UQCRC1: variants seen among roughly 807,000 people sequenced by gnomAD.
UQCRC1 encodes cytochrome b-c1 complex subunit 1, mitochondrial.
A neutral mutation model predicts 58.0 loss-of-function variants in UQCRC1; 34 were observed. The observed-to-expected ratio is 0.59, with a 90% CI of 0.45 to 0.78. The LOEUF (loss-of-function observed/expected upper bound fraction) is 0.78, where lower values mean the gene tolerates loss of function less well. Ranked by LOEUF, UQCRC1 falls within the 30% of genes least tolerant of loss-of-function variation. The pLI, the probability that UQCRC1 is intolerant of heterozygous loss-of-function variation, is 0.00. For missense variants in UQCRC1, 610 were observed against 646.0 expected, an observed-to-expected ratio of 0.94 and a Z score of 0.60; for synonymous variants, 276 against 248.8, an observed-to-expected ratio of 1.11 and a Z score of -1.03.
chr3:48,609,299 C>T lies in UQCRC1; in HGVS notation c.73G>A (p.Ala25Thr), dbSNP rs1173123747. 2 of 1,607,724 alleles carry T rather than the reference C, an allele frequency of 1.2e-6. No individual in the cohort carries two copies. Among genetic ancestry groups the T allele is most frequent in the South Asian group, 2.2e-5 (2 of 90,768 alleles). ...CGCAAGGCTGGCGTCCGCAGCAGGGCCGGCTGTGGAAGGGAACAGCCGCGA... is the reference window on the plus strand; with the variant it reads ...CGCAAGGCTGGCGTCCGCAGCAGGGTCGGCTGTGGAAGGGAACAGCCGCGA... Reference protein sequence around the residue: ...QVLLRARRSPALLRTPALRST... With the variant: ...QVLLRARRSPTLLRTPALRST... Residue 25 changes from alanine to threonine, a missense_variant, in exon 2 of 13, where the codon GCC (alanine) becomes ACC (threonine). Transcript: ENST00000203407.
chr3:48,600,269 T>A (rs2046352007), intron 10 of UQCRC1, 118 bp from the exon 11 acceptor site: 2 of 1,195,238 alleles, frequency 1.7e-6, no homozygotes, highest in African/African-American at 3.0e-5. Context: ...CTGACTCAGA[T>A]CACAGCCCTC....
At position 48,605,807 on chromosome 3, in the gene UQCRC1, T is replaced by C; in HGVS notation, c.260A>G (p.Asn87Ser). 3.7e-6 allele frequency: 6 copies of C among 1,613,954 alleles called. No homozygotes were observed. The highest frequency in any genetic ancestry group is 5.1e-6 in the Non-Finnish European group (6 of 1,179,942). Residue 87 changes from asparagine (N) to serine (S), a missense_variant, in exon 3 of 13, where the codon AAT (asparagine) becomes AGT (serine). Coordinates refer to ENST00000203407, the MANE Select transcript of UQCRC1 (RefSeq NM_003365.3). ...VGSRFETEKN[N>S]GAGYFLEHLA... ...ATGCTCCAAAAAGTAGCCTGCCCCATTATTCTTCTCAGTCTCAAAACGGCT... is the reference window on the plus strand; with the variant it reads ...ATGCTCCAAAAAGTAGCCTGCCCCACTATTCTTCTCAGTCTCAAAACGGCT...
intron 3 of UQCRC1, among the ~76,000 whole-genome samples, chr3:48,604,985 A>C (rs146632174): frequency 6.6e-6 from 1 of 152,280 alleles, no homozygotes; most frequent in Non-Finnish European, 1.5e-5. Flanking sequence ...CGCCAACAGA[A>C]CAGAGATAGC....
chr3:48,604,628 C>T (rs2046395565), intron 4 of UQCRC1, 23 bp downstream of exon 4: 1 of 1,613,884 alleles, frequency 6.2e-7, no homozygotes, highest in Admixed American at 1.7e-5. Context: ...CCCTCTGTCC[C>T]CGCCTCTTCC....
intron 4 of UQCRC1, 84 bp downstream of exon 4, chr3:48,604,567 T>C (rs2046395136): frequency 6.2e-7 from 1 of 1,601,022 alleles, no homozygotes; most frequent in Admixed American, 1.7e-5. Context: ...AAGGGTAATA[T>C]GATTCTGTGG....
In UQCRC1 at chr3:48,599,014, G is replaced by C; in HGVS notation, c.*114C>G. 2 of 1,249,726 alleles carry C rather than the reference G, an allele frequency of 1.6e-6. No individual in the cohort carries two copies. The highest frequency in any genetic ancestry group is 2.6e-5 in the South Asian group (2 of 76,980). The allele number at this position is 1,249,726 out of a possible 1,614,324, so 77.4% of individuals were successfully genotyped here. ...AGGGATGACACACTTCTCAGCAGAG[G>C]ATTTTATTGGTGGTCACCTGTGGCA... On this transcript the variant is annotated 3_prime_UTR_variant, in exon 13 of 13. Transcript: ENST00000203407.
chr3:48,601,671 C>T (rs545314106), intron 6 of UQCRC1, among the ~76,000 whole-genome samples: 20 of 152,354 alleles, frequency 1.3e-4, no homozygotes, highest in Admixed American at 9.1e-4. Context: ...GGCCAAATAG[C>T]TCCCATGGCC....
In UQCRC1 at chr3:48,605,576, G is replaced by A. The variant is rs894738216; in HGVS notation, c.297+194C>T. On this transcript the variant is annotated intron_variant, in intron 3 of 12. Transcript: ENST00000203407. ...TTCCTTGGGTCCTCTTGGCTCTGAG[G>A]GCCTCAGGCAGGGGCTCATCAGATA... 3.3e-5 allele frequency among the ~76,000 whole-genome samples: 5 copies of A among 152,154 alleles called. 1 individual carries two copies. Among genetic ancestry groups the A allele is most frequent in the African/African-American group, 1.2e-4 (5 of 41,410 alleles).
rs537186787 is a variant in UQCRC1 at position 48,599,568 on chromosome 3, G to A, written c.1378+67C>T. On this transcript the variant is annotated intron_variant, in intron 12 of 12. Coordinates refer to ENST00000203407, the MANE Select transcript of UQCRC1 (RefSeq NM_003365.3). ...GCTGAGCAGCAGTGCGGGAGCAGAGGTGGAAGGGGAGGCCAAGAGAACGGC... is the reference window on the plus strand; with the variant it reads ...GCTGAGCAGCAGTGCGGGAGCAGAGATGGAAGGGGAGGCCAAGAGAACGGC... The A allele has an allele frequency of 1.1e-4, 170 of 1,559,252 alleles. No individual in the cohort carries two copies. The South Asian group carries it at 1.6e-3, about 14-fold the overall frequency.
Position 48,600,802 on chromosome 3 carries a change from G to C in UQCRC1, c.1005C>G (p.Asn335Lys). The change falls in exon 9 of 13, where the codon AAC (asparagine) becomes AAG (lysine). Residue 335 changes from asparagine (N) to lysine (K), a missense_variant. By Grantham distance (94) the Asn-to-Lys change is moderately conservative. Transcript: ENST00000203407. ...AGGTCTGGAAACTCTGGCATAGCTT[G>C]TTGGCCACAGCACCTGAAGCCAGTG... ...SSPLASGAVA[N>K]KLCQSFQTFS... 1 of 1,614,114 alleles carries C rather than the reference G, an allele frequency of 6.2e-7. No homozygotes were observed. Among genetic ancestry groups the C allele is most frequent in the Non-Finnish European group, 8.5e-7 (1 of 1,180,042 alleles).
chr3:48,603,039 G>A (rs368161831), intron 6 of UQCRC1, among the ~76,000 whole-genome samples: 3 of 151,970 alleles, frequency 2.0e-5, no homozygotes, highest in Non-Finnish European at 4.4e-5. Context: ...CTTCCCCTGC[G>A]CTCAGCTCCC....
At position 48,603,599 on chromosome 3, in the gene UQCRC1, T is replaced by A. The variant is rs2046384922; in HGVS notation, c.671A>T (p.Tyr224Phe). 2 of 1,614,024 alleles carry A rather than the reference T, an allele frequency of 1.2e-6. No individual in the cohort carries two copies. Among genetic ancestry groups the A allele is most frequent in the Non-Finnish European group, 1.7e-6 (2 of 1,179,974 alleles). Residue 224 changes from tyrosine (Y) to phenylalanine (F), a missense_variant, in exon 6 of 13, where the codon TAC (tyrosine) becomes TTC (phenylalanine). Tyr to Phe is a conservative substitution (Grantham distance 22, BLOSUM62 3). Coordinates refer to ENST00000203407, the MANE Select transcript of UQCRC1 (RefSeq NM_003365.3). ...TGCCAGCACCATTCGAGGGGCCTTGTAATGTGTGCTGAGGTACTCGGTCAA... is the reference window on the plus strand; with the variant it reads ...TGCCAGCACCATTCGAGGGGCCTTGAAATGTGTGCTGAGGTACTCGGTCAA... ...ADLTEYLSTH[Y>F]KAPRMVLAAA...
intron 12 of UQCRC1, 190 bp downstream of exon 12, chr3:48,599,445 A>T: frequency 1.4e-6 from 1 of 704,210 alleles, no homozygotes; most frequent in Non-Finnish European, 2.3e-6. Flanking sequence ...CTTGGCAGGC[A>T]GTCAAGGAAC....
rs756541768 is a variant in UQCRC1, at chr3:48,600,813, C to T, written c.994G>A (p.Ala332Thr). Reference sequence around the variant, plus strand: ...CTCTGGCATAGCTTGTTGGCCACAGCACCTGAAGCCAGTGGGCTGGACAGG... The same window carrying T: ...CTCTGGCATAGCTTGTTGGCCACAGTACCTGAAGCCAGTGGGCTGGACAGG... ...VHLSSPLASGAVANKLCQSFQ... is the reference protein window; with the variant it reads ...VHLSSPLASGTVANKLCQSFQ... The change falls in exon 9 of 13, where the codon GCT becomes ACT. Residue 332 changes from alanine to threonine, a missense_variant. By Grantham distance (58) the Ala-to-Thr change is moderately conservative. Transcript: ENST00000203407. The T allele has an allele frequency of 4.8e-5, 78 of 1,613,954 alleles. No individual in the cohort carries two copies. The highest frequency in any genetic ancestry group is 5.9e-5 in the Non-Finnish European group (70 of 1,180,048).
intron 3 of UQCRC1, 89 bp downstream of exon 3, chr3:48,605,681 C>A: frequency 7.5e-7 from 1 of 1,332,584 alleles, no homozygotes; most frequent in Non-Finnish European, 1.0e-6. Flanking sequence ...AACTGAGGCC[C>A]ATAATCAGGC....
intron 3 of UQCRC1, 108 bp downstream of exon 3, chr3:48,605,662 C>A (rs369877693): frequency 1.0e-5 from 11 of 1,100,682 alleles, no homozygotes; most frequent in Non-Finnish European, 1.4e-5. Flanking sequence ...AGCCAGACAT[C>A]AGCCCCGCAA....
chr3:48,604,542 GC>G, intron 4 of UQCRC1, 108 bp downstream of exon 4: 8 of 1,586,192 alleles, frequency 5.0e-6, no homozygotes, highest in Non-Finnish European at 6.9e-6. Context: ...TTGCCCAGCT[GC>G]AAAGCCATAC....
chr3:48,600,185 C>T (rs1477505888), intron 10 of UQCRC1, 34 bp from the exon 11 acceptor site: 1 of 1,609,012 alleles, frequency 6.2e-7, no homozygotes. Flanking sequence ...GAGGTCCACC[C>T]AGCCCAATCC....
chr3:48,609,243 C>T lies in UQCRC1; in HGVS notation c.129G>A (p.Gln43=). The T allele has an allele frequency of 1.2e-6, 2 of 1,612,248 alleles. No homozygotes were observed. Among genetic ancestry groups the T allele is most frequent in the African/African-American group, 1.3e-5 (1 of 75,062 alleles). The change falls in exon 2 of 13, where the codon CAG becomes CAA. Residue 43 remains glutamine, a synonymous_variant. Coordinates refer to ENST00000203407, the MANE Select transcript of UQCRC1 (RefSeq NM_003365.3). The part of the protein sequence containing the change: ...RSTATFAQAL[Q]FVPETQVSLL... ...GGCTAACCTGCGTCTCCGGCACGAACTGGAGCGCCTGAGCGAAGGTTGCCG... is the reference window on the plus strand; with the variant it reads ...GGCTAACCTGCGTCTCCGGCACGAATTGGAGCGCCTGAGCGAAGGTTGCCG...
Sources: allele counts gnomAD v4.1 joint callset (sites outside exome capture counted in the v4.1 genomes callset), GRCh38; gene constraint gnomAD v4.1.1; transcripts MANE v1.5; gene names NCBI Gene and HGNC (gene_info 2026-07-23, HGNC 2026-07-21).